The following TAFA2 variants were observed in gnomAD, a reference collection of about 807,000 sequenced individuals.
TAFA2 encodes the protein TAFA chemokine like family member 2.
A neutral mutation model predicts 18.8 loss-of-function variants in TAFA2; 7 were observed. The ratio of observed to expected loss-of-function variants is 0.37; its 90% CI spans 0.21 to 0.70. The LOEUF (loss-of-function observed/expected upper bound fraction) is 0.70. TAFA2 is among the 30% of genes least tolerant of loss of function. The probability of loss-of-function intolerance (pLI) is 0.53; values close to 1 mark genes in which losing one functional copy is unlikely to be tolerated. For missense variants in TAFA2, 122 were observed against 158.1 expected (o/e 0.77, Z 1.23); for synonymous variants, 60 against 54.2 (o/e 1.11, Z -0.47).
intron 1 of TAFA2, among the ~76,000 whole-genome samples, chr12:62,039,987 C>T (rs1881714833): frequency 6.6e-6 from 1 of 152,048 alleles, no homozygotes; most frequent in African/African-American, 2.4e-5. Context: ...TTTCTGATTC[C>T]TTTTACTCAG....
chr12:62,147,318 GTATGTATGTATATA>G (rs1273090131), intron 1 of TAFA2, among the ~76,000 whole-genome samples: 3,207 of 87,324 alleles, frequency 0.037, 144 homozygotes, highest in Middle Eastern at 0.074. Context: ...GTGTGTGTGT[GTATGTATGTATATA>G]TATATATATA....
At chr12:62,196,945 T>C (rs1270324817), upstream of TAFA2, among the ~76,000 whole-genome samples, 3 of 152,208 alleles carry the variant, frequency 2.0e-5, no homozygotes, top group African/African-American at 7.2e-5. Context: ...CAGGGACTGG[T>C]ACCCTCCCTG....
At chr12:61,865,517 C>CA (rs1326646302) in intron 2 of TAFA2, among the ~76,000 whole-genome samples, 5 of 152,146 alleles carry the variant, frequency 3.3e-5, no homozygotes, top group Admixed American at 6.5e-5. Context: ...AGCAAAACCA[C>CA]AAAAAAACTC....
intron 1 of TAFA2, among the ~76,000 whole-genome samples, chr12:61,974,849 C>T (rs1592524599): frequency 6.6e-6 from 1 of 151,690 alleles, no homozygotes. Context: ...TGGTAAAAAG[C>T]CTCTTACGTC....
intron 1 of TAFA2, chr12:62,234,703 G>C: frequency 9.5e-7 from 1 of 1,054,518 alleles, no homozygotes; most frequent in Non-Finnish European, 1.5e-6. Flanking sequence ...CAGCAGTAAG[G>C]CCTTGCCTCT....
chr12:62,106,160 C>T (rs1183790219), intron 1 of TAFA2, among the ~76,000 whole-genome samples: 1 of 151,320 alleles, frequency 6.6e-6, no homozygotes, highest in Admixed American at 6.6e-5. Context: ...TGGTGAAACC[C>T]CATCTCTGCT....
chr12:61,714,385 C>T (rs1347578530), intron 4 of TAFA2, among the ~76,000 whole-genome samples: 1 of 152,092 alleles, frequency 6.6e-6, no homozygotes, highest in Admixed American at 6.5e-5. Flanking sequence ...ATAATAATAG[C>T]TTTTCTGTCA....
intron 1 of TAFA2, among the ~76,000 whole-genome samples, chr12:62,006,843 G>A (rs1880568193): frequency 6.6e-6 from 1 of 152,150 alleles, no homozygotes; most frequent in South Asian, 2.1e-4. Flanking sequence ...AAGGAAAAAA[G>A]GGAGACAGAT....
chr12:62,139,741 A>T (rs1439796161), intron 1 of TAFA2, among the ~76,000 whole-genome samples: 1 of 152,184 alleles, frequency 6.6e-6, no homozygotes, highest in Non-Finnish European at 1.5e-5. Context: ...AGGCTTTCTT[A>T]TTATTCAAAA....
At chr12:61,762,355 A>G (rs2120796270) in intron 2 of TAFA2, among the ~76,000 whole-genome samples, 2 of 152,080 alleles carry the variant, frequency 1.3e-5, no homozygotes, top group South Asian at 4.1e-4. Context: ...AGCTTGACCT[A>G]TACTATATGT....
At chr12:62,179,261 C>T (rs550918676) in intron 1 of TAFA2, among the ~76,000 whole-genome samples, 1 of 152,238 alleles carries the variant, frequency 6.6e-6, no homozygotes, top group Admixed American at 6.5e-5. Flanking sequence ...CATTCCTCAA[C>T]CTCAAGAATT....
intron 1 of TAFA2, among the ~76,000 whole-genome samples, chr12:61,899,210 C>A (rs1875989536): frequency 1.3e-5 from 2 of 152,286 alleles, no homozygotes; most frequent in South Asian, 4.2e-4. Context: ...CTGAGCCCCC[C>A]AAACTGTTCC....
rs561388825 is a variant in TAFA2 at position 61,951,244 on chromosome 12, T to C, written c.-1-83818A>G. On this transcript the variant is annotated intron_variant, in intron 1 of 4. Transcript: ENST00000416284. ...TCCCCAACAGCTTCATATAACGCTG[T>C]AAGAGTGATGCTTACGCAAATGGTC... 1.8e-4 allele frequency among the ~76,000 whole-genome samples: 27 copies of C among 152,270 alleles called. 2 individuals carry two copies. In the South Asian group the frequency reaches 5.4e-3, roughly 30 times the overall value.
intron 1 of TAFA2, among the ~76,000 whole-genome samples, chr12:62,019,790 G>A (rs1471374765): frequency 3.3e-5 from 5 of 151,376 alleles, no homozygotes; most frequent in African/African-American, 7.3e-5. Flanking sequence ...TGCACGTTGT[G>A]CACATGTACC....
chr12:61,718,906 A>T (rs1869774889), intron 4 of TAFA2, among the ~76,000 whole-genome samples: 1 of 152,176 alleles, frequency 6.6e-6, no homozygotes. Flanking sequence ...AGATAGTTGG[A>T]GTTAGGGGTG....
At chr12:61,866,451 T>C (rs1470148036) in intron 2 of TAFA2, among the ~76,000 whole-genome samples, 1 of 152,238 alleles carries the variant, frequency 6.6e-6, no homozygotes, top group African/African-American at 2.4e-5. Context: ...CTAGACTTTA[T>C]AGTGGGCAGA....
intron 1 of TAFA2, 70 bp from the exon 2 acceptor site, chr12:61,867,496 A>T (rs374647804): frequency 2.6e-5 from 24 of 909,028 alleles, no homozygotes; most frequent in African/African-American, 1.2e-4. Flanking sequence ...ATTGTGCTAC[A>T]TGTAAAGCCT....
chr12:62,056,529 G>T (rs1303800003), intron 1 of TAFA2, among the ~76,000 whole-genome samples: 1 of 152,104 alleles, frequency 6.6e-6, no homozygotes, highest in Non-Finnish European at 1.5e-5. Context: ...CAGTGACCTG[G>T]AGGCCTGAAG....
At chr12:62,163,150 C>T (rs1312660706) in intron 1 of TAFA2, among the ~76,000 whole-genome samples, 2 of 151,994 alleles carry the variant, frequency 1.3e-5, no homozygotes, top group African/African-American at 2.4e-5. Flanking sequence ...ACTTTCTGCT[C>T]GACTACTAAA....
Sources: allele counts gnomAD v4.1 joint callset (sites outside exome capture counted in the v4.1 genomes callset), GRCh38; gene constraint gnomAD v4.1.1; transcripts MANE v1.5; gene names NCBI Gene and HGNC (gene_info 2026-07-23, HGNC 2026-07-21).